Variants in RAD51B observed in about 807,000 individuals in gnomAD.
RAD51B encodes DNA repair protein RAD51 homolog 2.
Under a neutral mutation model 42.2 loss-of-function variants are expected in RAD51B, and 38 were observed. That is an observed-to-expected ratio of 0.90 (90% CI 0.70 to 1.18). RAD51B has a LOEUF of 1.18. RAD51B is among the 50% of genes most tolerant of loss of function. RAD51B has a pLI of 0.00. For synonymous variants in RAD51B, 154 were observed against 145.2 expected (o/e 1.06, Z -0.43); for missense variants, 373 against 400.7 (o/e 0.93, Z 0.59).
intron 7 of RAD51B, among the ~76,000 whole-genome samples, chr14:67,912,619 C>T (rs1168345528): frequency 6.6e-6 from 1 of 151,262 alleles, no homozygotes; most frequent in Non-Finnish European, 1.5e-5. Context: ...GAGATACAAA[C>T]AATTTAGTGA....
At chr14:68,612,256 G>A (rs1222326591), downstream of RAD51B, among the ~76,000 whole-genome samples, 2 of 152,230 alleles carry the variant, frequency 1.3e-5, no homozygotes, top group East Asian at 1.9e-4. Flanking sequence ...ACAGACTGAC[G>A]AGGGACGAAT....
At chr14:68,421,899 G>C in intron 9 of RAD51B, 5 of 1,586,518 alleles carry the variant, frequency 3.2e-6, no homozygotes, top group Non-Finnish European at 4.3e-6. Flanking sequence ...ATTTGCCATG[G>C]ACAAGATGCC....
chr14:68,049,257 A>T (rs1422090478), intron 7 of RAD51B, among the ~76,000 whole-genome samples: 5 of 152,276 alleles, frequency 3.3e-5, no homozygotes, highest in Admixed American at 2.6e-4. Flanking sequence ...ACCTAATGTA[A>T]ATGACGAGTT....
intron 11 of RAD51B, among the ~76,000 whole-genome samples, chr14:68,659,910 G>A (rs530862168): frequency 2.6e-5 from 4 of 152,336 alleles, no homozygotes; most frequent in South Asian, 2.1e-4. Context: ...GGGTGCATGC[G>A]GGGGAAAGAA....
chr14:68,011,824 A>T (rs1268687824), intron 7 of RAD51B, among the ~76,000 whole-genome samples: 3 of 152,102 alleles, frequency 2.0e-5, no homozygotes, highest in Non-Finnish European at 4.4e-5. Flanking sequence ...CTGTTCCCTA[A>T]AAATTCCAGT....
intron 10 of RAD51B, among the ~76,000 whole-genome samples, chr14:68,572,087 C>G (rs371148726): frequency 6.6e-6 from 1 of 152,218 alleles, no homozygotes; most frequent in Non-Finnish European, 1.5e-5. Flanking sequence ...CTGTTTCATA[C>G]GTCATGCAAA....
At chr14:68,004,115 G>A (rs1402753152) in intron 7 of RAD51B, among the ~76,000 whole-genome samples, 1 of 152,024 alleles carries the variant, frequency 6.6e-6, no homozygotes, top group Non-Finnish European at 1.5e-5. Context: ...CGGATCACAA[G>A]GTCTGGAGAT....
intron 5 of RAD51B, 28 bp downstream of exon 5, chr14:67,865,167 G>T: frequency 1.3e-6 from 2 of 1,556,720 alleles, no homozygotes; most frequent in Admixed American, 1.8e-5. Flanking sequence ...CTATTATAAT[G>T]TTTTACTTTT....
chr14:68,256,013 G>T (rs1460099825), intron 7 of RAD51B, among the ~76,000 whole-genome samples: 1 of 152,062 alleles, frequency 6.6e-6, no homozygotes, highest in Admixed American at 6.5e-5. Flanking sequence ...CATTCCATTT[G>T]GTTTATTAGA....
chr14:67,934,523 A>G (rs955480713), intron 7 of RAD51B, among the ~76,000 whole-genome samples: 2 of 152,214 alleles, frequency 1.3e-5, no homozygotes, highest in Non-Finnish European at 2.9e-5. Flanking sequence ...GGCTGAGGAT[A>G]CGAGATGCTG....
At chr14:68,678,586 AG>A (rs1377819445) in intron 11 of RAD51B, among the ~76,000 whole-genome samples, 4 of 152,112 alleles carry the variant, frequency 2.6e-5, no homozygotes, top group Non-Finnish European at 5.9e-5. Flanking sequence ...CCTGGGAAGT[AG>A]GGGGGTGGCT....
At chr14:68,046,503 C>T (rs760804117) in intron 7 of RAD51B, among the ~76,000 whole-genome samples, 13 of 152,202 alleles carry the variant, frequency 8.5e-5, no homozygotes, top group Admixed American at 6.5e-5. Flanking sequence ...CTTTGGGAGG[C>T]CGAGGCTGGT....
At chr14:68,063,906 T>A (rs1256849412) in intron 7 of RAD51B, among the ~76,000 whole-genome samples, 1 of 152,246 alleles carries the variant, frequency 6.6e-6, no homozygotes, top group Non-Finnish European at 1.5e-5. Flanking sequence ...CTTGTTATTT[T>A]GTTATTTGTT....
chr14:67,845,795 G>A (rs1023200918), intron 4 of RAD51B, among the ~76,000 whole-genome samples: 11 of 152,128 alleles, frequency 7.2e-5, no homozygotes, highest in South Asian at 4.1e-4. Context: ...TTCACTGTTC[G>A]CCTGATGGAG....
intron 8 of RAD51B, among the ~76,000 whole-genome samples, chr14:68,329,679 T>G (rs1160315847): frequency 1.3e-5 from 2 of 152,180 alleles, no homozygotes; most frequent in African/African-American, 4.8e-5. Flanking sequence ...TTAAATAAGT[T>G]AATGTTAAAA....
At chr14:68,321,267 C>G (rs1048617459) in intron 8 of RAD51B, among the ~76,000 whole-genome samples, 3 of 152,198 alleles carry the variant, frequency 2.0e-5, no homozygotes, top group Admixed American at 2.0e-4. Context: ...TTGCTCCGTA[C>G]TGCAAGACTA....
chr14:67,960,831 G>A (rs545170127), intron 7 of RAD51B, among the ~76,000 whole-genome samples: 2 of 152,022 alleles, frequency 1.3e-5, no homozygotes, highest in East Asian at 3.9e-4. Flanking sequence ...TTTATGCCTG[G>A]CTAATTTTTT....
At chr14:68,402,323 A>G (rs536227443) in intron 8 of RAD51B, among the ~76,000 whole-genome samples, 1 of 152,334 alleles carries the variant, frequency 6.6e-6, no homozygotes, top group African/African-American at 2.4e-5. Context: ...TGACCTGCCA[A>G]GAGAGGTAAC....
chr14:68,624,405 G>T lies in RAD51B; in HGVS notation c.1037-26376G>T, dbSNP rs145060789. Among the ~76,000 whole-genome samples, 527 of 152,304 alleles carry T rather than the reference G, an allele frequency of 3.5e-3. 2 individuals are homozygous for T. Among genetic ancestry groups the T allele is most frequent in the African/African-American group, 0.012 (498 of 41,552 alleles). On this transcript the variant is annotated intron_variant, in intron 10 of 11. Coordinates refer to the RAD51B transcript ENST00000488612. ...TGGTTCTGGGGAAGCTAAGAGGGAA[G>T]GTGGGCAGGGAGTGAGGCCTGCCAA...
Sources: gnomAD v4.1 joint callset for allele counts (sites outside exome capture counted in the v4.1 genomes callset) on GRCh38, gnomAD v4.1.1 for gene constraint, MANE v1.5 for transcripts, NCBI Gene and HGNC (gene_info 2026-07-23, HGNC 2026-07-21) for gene names.